The following UBR3 variants were observed in gnomAD, a reference collection of about 807,000 sequenced individuals.
UBR3 encodes E3 ubiquitin-protein ligase UBR3.
In UBR3, 85 loss-of-function variants were observed where a neutral mutation model predicts 243.2. The observed-to-expected ratio is 0.35, with a 90% CI of 0.29 to 0.42. The LOEUF is 0.42. Among genes scored for constraint, UBR3 ranks in the 10% least tolerant of loss-of-function variants. The pLI is 1.00. For synonymous variants in UBR3, 748 were observed against 799.8 expected (o/e 0.94, Z 1.09); for missense variants, 1,686 against 2,300.8 (o/e 0.73, Z 5.47).
intron 35 of UBR3, among the ~76,000 whole-genome samples, chr2:170,062,709 C>G (rs1159041327): frequency 6.6e-6 from 1 of 152,186 alleles, no homozygotes; most frequent in African/African-American, 2.4e-5. Context: ...CTGTGGTTCT[C>G]TCTGTTCTTG....
chr2:169,904,542 T>A (rs2084945697), intron 8 of UBR3, among the ~76,000 whole-genome samples: 2 of 152,146 alleles, frequency 1.3e-5, no homozygotes, highest in African/African-American at 4.8e-5. Context: ...TGAGGATTTT[T>A]TTTTCAAGGC....
At chr2:169,904,118 A>G (rs931284129) in intron 8 of UBR3, among the ~76,000 whole-genome samples, 1 of 152,092 alleles carries the variant, frequency 6.6e-6, no homozygotes, top group Non-Finnish European at 1.5e-5. Flanking sequence ...TTCTGTCCCA[A>G]GGTTTTTTAG....
chr2:170,065,920 T>G (rs2091557262), intron 35 of UBR3, among the ~76,000 whole-genome samples: 2 of 151,820 alleles, frequency 1.3e-5, no homozygotes, highest in African/African-American at 4.8e-5. Context: ...AAGTGATAGG[T>G]AGTGCCCTAC....
At chr2:170,073,715 A>G (rs559269303) in intron 36 of UBR3, 108 bp downstream of exon 36, 3 of 1,190,814 alleles carry the variant, frequency 2.5e-6, no homozygotes, top group African/African-American at 1.6e-5. Flanking sequence ...CAGCAATTAT[A>G]AAACTTGATT....
intron 5 of UBR3, among the ~76,000 whole-genome samples, chr2:169,889,920 G>C (rs1002311547): frequency 6.6e-6 from 1 of 152,182 alleles, no homozygotes; most frequent in African/African-American, 2.4e-5. Context: ...TTATACTACA[G>C]TTCTAACCTG....
chr2:169,984,748 C>T (rs894983179), intron 24 of UBR3, among the ~76,000 whole-genome samples: 2 of 152,044 alleles, frequency 1.3e-5, no homozygotes, highest in Non-Finnish European at 2.9e-5. Flanking sequence ...CTCCTCTTTT[C>T]AGAAATAAAC....
intron 11 of UBR3, among the ~76,000 whole-genome samples, chr2:169,922,231 AACTGTGATCGTGCC>A (rs2085731117): frequency 6.6e-6 from 1 of 151,384 alleles, no homozygotes; most frequent in Non-Finnish European, 1.5e-5. Context: ...GGTTGCAGCG[AACTGTGATCGTGCC>A]ACCATACTCC....
intron 11 of UBR3, among the ~76,000 whole-genome samples, chr2:169,915,148 A>C (rs1014802850): frequency 6.6e-6 from 1 of 152,138 alleles, no homozygotes; most frequent in African/African-American, 2.4e-5. Context: ...TTATAGAAAA[A>C]GGATCTGGTT....
At chr2:169,915,633 T>C (rs2085434117) in intron 11 of UBR3, among the ~76,000 whole-genome samples, 1 of 152,230 alleles carries the variant, frequency 6.6e-6, no homozygotes, top group Non-Finnish European at 1.5e-5. Context: ...GGAAGTGATG[T>C]AGTCTTTTCA....
intron 6 of UBR3, among the ~76,000 whole-genome samples, chr2:169,893,461 TGA>T (rs1348652624): frequency 6.6e-6 from 1 of 152,228 alleles, no homozygotes; most frequent in Non-Finnish European, 1.5e-5. Flanking sequence ...CACTTACCAA[TGA>T]GAGCTTTCAT....
chr2:169,881,596 G>A (rs1360006196), intron 5 of UBR3, among the ~76,000 whole-genome samples: 1 of 109,634 alleles, frequency 9.1e-6, no homozygotes, highest in African/African-American at 2.7e-5. Flanking sequence ...TTAGCCAGAG[G>A]TATCTACCGT....
At chr2:169,843,981 T>TC (rs941789399) in intron 1 of UBR3, among the ~76,000 whole-genome samples, 1 of 151,718 alleles carries the variant, frequency 6.6e-6, no homozygotes, top group Non-Finnish European at 1.5e-5. Context: ...TTTAACATAC[T>TC]CCATTTCTTT....
intron 1 of UBR3, among the ~76,000 whole-genome samples, chr2:169,870,664 T>C (rs527545870): frequency 6.6e-6 from 1 of 152,082 alleles, no homozygotes; most frequent in Non-Finnish European, 1.5e-5. Context: ...TATTATTATT[T>C]TTTTTTTGAG....
At chr2:170,020,940 C>T (rs1453199731) in intron 30 of UBR3, among the ~76,000 whole-genome samples, 1 of 152,122 alleles carries the variant, frequency 6.6e-6, no homozygotes, top group Non-Finnish European at 1.5e-5. Context: ...TGTTATCTAG[C>T]TCAGGCATCT....
intron 1 of UBR3, among the ~76,000 whole-genome samples, chr2:169,868,847 T>C (rs1260549703): frequency 1.3e-5 from 2 of 152,188 alleles, no homozygotes; most frequent in African/African-American, 4.8e-5. Context: ...TTTTCAGAGT[T>C]GGTTTGTTAG....
At chr2:169,871,558 A>G (rs143885503) in intron 1 of UBR3, among the ~76,000 whole-genome samples, 154 of 152,084 alleles carry the variant, frequency 1.0e-3, no homozygotes, top group Middle Eastern at 6.8e-3. Flanking sequence ...AGCCTGGCCA[A>G]CCAACATGGT....
At chr2:169,996,693 G>GTTTTTTT (rs397871702) in intron 26 of UBR3, among the ~76,000 whole-genome samples, 13 of 64,504 alleles carry the variant, frequency 2.0e-4, no homozygotes, top group South Asian at 4.2e-4. Context: ...TTGGACTTTT[G>GTTTTTTT]TTTTTTTTTT....
At chr2:169,949,537 AAT>A (rs2086923764) in intron 22 of UBR3, 66 bp from the exon 23 acceptor site, 1 of 1,319,598 alleles carries the variant, frequency 7.6e-7, no homozygotes, top group African/African-American at 1.5e-5. Flanking sequence ...ATATAGTACT[AAT>A]ATGTTTTTAA....
chr2:169,832,001 C>T (rs1482715930), intron 1 of UBR3, among the ~76,000 whole-genome samples: 3 of 152,128 alleles, frequency 2.0e-5, no homozygotes, highest in African/African-American at 7.2e-5. Flanking sequence ...TAATCCTTTT[C>T]ACCAGTGTCT....
Sources: allele counts gnomAD v4.1 joint callset (sites outside exome capture counted in the v4.1 genomes callset), GRCh38; gene constraint gnomAD v4.1.1; transcripts MANE v1.5; gene names NCBI Gene and HGNC (gene_info 2026-07-23, HGNC 2026-07-21).